Variants in TANGO6 observed in about 807,000 individuals in gnomAD.
TANGO6 encodes transport and golgi organization 6 homolog, also known as transport and Golgi organization protein 6 homolog.
In TANGO6, 90 loss-of-function variants were observed where a neutral mutation model predicts 114.2. The observed-to-expected ratio is 0.79, with a 90% CI of 0.66 to 0.94. The LOEUF is 0.94. TANGO6 is among the 40% of genes least tolerant of loss of function. The pLI is 0.00. For missense variants in TANGO6, 1,274 were observed against 1,315.3 expected (o/e 0.97, Z 0.49); for synonymous variants, 477 against 509.8 (o/e 0.94, Z 0.87).
At chr16:68,920,813 G>A (rs1044323185) in intron 12 of TANGO6, among the ~76,000 whole-genome samples, 1 of 151,830 alleles carries the variant, frequency 6.6e-6, no homozygotes, top group African/African-American at 2.4e-5. Flanking sequence ...TAAAAAAAAA[G>A]CTTTTGGTTC....
intron 15 of TANGO6, among the ~76,000 whole-genome samples, chr16:68,989,964 G>A (rs139837979): frequency 3.3e-5 from 5 of 152,212 alleles, no homozygotes; most frequent in Admixed American, 2.0e-4. Flanking sequence ...CATGATCTTC[G>A]TCCTGCTTGT....
intron 14 of TANGO6, among the ~76,000 whole-genome samples, chr16:68,936,237 AG>A: frequency 6.6e-6 from 1 of 152,204 alleles, no homozygotes; most frequent in East Asian, 1.9e-4. Flanking sequence ...AGTGTACATT[AG>A]ATATTTGGGC....
chr16:68,900,864 A>G (rs960144413), intron 8 of TANGO6, among the ~76,000 whole-genome samples: 3 of 152,232 alleles, frequency 2.0e-5, no homozygotes, highest in African/African-American at 7.2e-5. Context: ...GTCTAGGAAG[A>G]AGGAAATAGG....
At chr16:69,018,646 G>A (rs1275267665) in intron 15 of TANGO6, among the ~76,000 whole-genome samples, 1 of 151,342 alleles carries the variant, frequency 6.6e-6, no homozygotes, top group African/African-American at 2.4e-5. Flanking sequence ...TATGTTTGCC[G>A]GGCGCGGTGG....
intron 3 of TANGO6, 21 bp from the exon 4 acceptor site, chr16:68,867,057 CA>C (rs1292329326): frequency 2.1e-6 from 3 of 1,429,350 alleles, no homozygotes; most frequent in Non-Finnish European, 2.8e-6. Flanking sequence ...ATTCAGAATT[CA>C]CACCTTCTTC....
chr16:69,029,246 T>C (rs761600987), intron 16 of TANGO6, among the ~76,000 whole-genome samples: 5 of 152,168 alleles, frequency 3.3e-5, no homozygotes, highest in Non-Finnish European at 7.4e-5. Context: ...AACTGCCAGG[T>C]ACACTTGGGA....
chr16:68,991,510 G>A (rs889666971), intron 15 of TANGO6, among the ~76,000 whole-genome samples: 4 of 152,078 alleles, frequency 2.6e-5, no homozygotes, highest in Admixed American at 1.3e-4. Context: ...GTGTGGTGGT[G>A]CACTCCTGTA....
intron 17 of TANGO6, among the ~76,000 whole-genome samples, chr16:69,049,819 T>C (rs1340810568): frequency 6.6e-6 from 1 of 151,948 alleles, no homozygotes; most frequent in Non-Finnish European, 1.5e-5. Flanking sequence ...CATGTGATCC[T>C]TCTGCCTCTG....
chr16:68,912,911 CAAAA>C (rs554300938), intron 11 of TANGO6, among the ~76,000 whole-genome samples: 1 of 81,874 alleles, frequency 1.2e-5, no homozygotes. Flanking sequence ...CCCCATCTCT[CAAAA>C]AAAAAAAAAA....
At chr16:69,058,927 G>A (rs1211715145) in intron 17 of TANGO6, among the ~76,000 whole-genome samples, 8 of 143,800 alleles carry the variant, frequency 5.6e-5, no homozygotes, top group Non-Finnish European at 1.1e-4. Context: ...TTTTTTTTGA[G>A]ACATAGTTTT....
Position 68,871,258 on chromosome 16 carries a change from T to C in TANGO6, c.995-3896T>C, listed in dbSNP as rs543030268. Among the ~76,000 whole-genome samples, 5 of 152,300 alleles carry C rather than the reference T, an allele frequency of 3.3e-5. No individual in the cohort carries two copies. The South Asian group carries it at 1.0e-3, about 32-fold the overall frequency. ...GGCTTGTGTCATTTCTGATGAAAAGTCTGCTATCATTCTTATCTTTGTTCC... is the reference window on the plus strand; with the variant it reads ...GGCTTGTGTCATTTCTGATGAAAAGCCTGCTATCATTCTTATCTTTGTTCC... On this transcript the variant is annotated intron_variant, in intron 4 of 17. Coordinates refer to ENST00000261778, the MANE Select transcript of TANGO6 (RefSeq NM_024562.2).
chr16:69,046,972 G>A (rs1321645905), intron 17 of TANGO6, among the ~76,000 whole-genome samples: 1 of 151,840 alleles, frequency 6.6e-6, no homozygotes, highest in Non-Finnish European at 1.5e-5. Flanking sequence ...CCTGAGGTCG[G>A]GAGTTCGAGA....
chr16:68,935,623 C>T (rs948727552), intron 14 of TANGO6, among the ~76,000 whole-genome samples: 2 of 152,180 alleles, frequency 1.3e-5, no homozygotes, highest in Non-Finnish European at 2.9e-5. Context: ...TACTCAATAA[C>T]AGCTTCTTCA....
intron 7 of TANGO6, among the ~76,000 whole-genome samples, chr16:68,899,201 A>G (rs1233636205): frequency 6.6e-6 from 1 of 152,038 alleles, no homozygotes; most frequent in Non-Finnish European, 1.5e-5. Flanking sequence ...TCGAGCTTGG[A>G]GATTGAGGCT....
At chr16:69,056,230 G>A (rs1405783328) in intron 17 of TANGO6, among the ~76,000 whole-genome samples, 1 of 152,016 alleles carries the variant, frequency 6.6e-6, no homozygotes, top group Non-Finnish European at 1.5e-5. Flanking sequence ...ATCTACATGT[G>A]TTAGAATTTG....
At chr16:69,074,673 A>G (rs901351424) in intron 17 of TANGO6, among the ~76,000 whole-genome samples, 3 of 152,014 alleles carry the variant, frequency 2.0e-5, no homozygotes, top group Admixed American at 1.3e-4. Context: ...AACATTATTA[A>G]TTCATTCCCT....
chr16:68,890,120 T>C (rs1311195148), intron 7 of TANGO6, among the ~76,000 whole-genome samples: 1 of 152,202 alleles, frequency 6.6e-6, no homozygotes, highest in Non-Finnish European at 1.5e-5. Flanking sequence ...TAAAATCAAG[T>C]TCCAGCCTGT....
intron 3 of TANGO6, among the ~76,000 whole-genome samples, chr16:68,865,872 C>G (rs1021113217): frequency 6.6e-6 from 1 of 151,536 alleles, no homozygotes; most frequent in Admixed American, 6.6e-5. Context: ...GAGCCGAGAT[C>G]GTGCCACTGC....
chr16:68,922,265 C>T (rs1223581233), intron 12 of TANGO6, among the ~76,000 whole-genome samples: 3 of 151,162 alleles, frequency 2.0e-5, no homozygotes, highest in South Asian at 2.1e-4. Context: ...AGGCCGGGCG[C>T]GGTGGCTTAT....
Sources: allele counts gnomAD v4.1 joint callset (sites outside exome capture counted in the v4.1 genomes callset), GRCh38; gene constraint gnomAD v4.1.1; transcripts MANE v1.5; gene names NCBI Gene and HGNC (gene_info 2026-07-23, HGNC 2026-07-21).